The following ZNF804B variants were observed in gnomAD, a reference collection of about 807,000 sequenced individuals.
ZNF804B encodes zinc finger 804B.
A neutral mutation model predicts 101.4 loss-of-function variants in ZNF804B; 80 were observed. The ratio of observed to expected loss-of-function variants is 0.79; its 90% CI spans 0.66 to 0.95. The LOEUF is 0.95. Ranked by LOEUF, ZNF804B falls within the 40% of genes least tolerant of loss-of-function variation. The pLI, the probability that ZNF804B is intolerant of heterozygous loss-of-function variation, is 0.00. For synonymous variants in ZNF804B, 622 were observed against 558.8 expected (o/e 1.11, Z -1.59); for missense variants, 1,673 against 1,561.9 (o/e 1.07, Z -1.20).
chr7:88,815,683 C>T (rs779027308), intron 1 of ZNF804B, among the ~76,000 whole-genome samples: 2 of 152,020 alleles, frequency 1.3e-5, no homozygotes, highest in Admixed American at 6.6e-5. Flanking sequence ...TAGTTCCACC[C>T]ACTGGATAAC....
intron 1 of ZNF804B, among the ~76,000 whole-genome samples, chr7:88,944,232 T>G (rs1177659221): frequency 6.6e-6 from 1 of 151,786 alleles, no homozygotes; most frequent in Non-Finnish European, 1.5e-5. Flanking sequence ...TGTGAGAGTT[T>G]AGGTTATTCC....
At chr7:88,855,130 T>G (rs912059647) in intron 1 of ZNF804B, among the ~76,000 whole-genome samples, 4 of 152,030 alleles carry the variant, frequency 2.6e-5, no homozygotes, top group East Asian at 2.0e-4. Flanking sequence ...GTAATGGCAT[T>G]GCTGGGTCAA....
At chr7:88,975,271 T>G (rs935500963) in intron 1 of ZNF804B, among the ~76,000 whole-genome samples, 3 of 151,404 alleles carry the variant, frequency 2.0e-5, no homozygotes, top group South Asian at 4.1e-4. Context: ...ATATACTGAT[T>G]TCCTGTCTTT....
At chr7:88,979,604 CTTTCTT>C (rs964157454) in intron 1 of ZNF804B, among the ~76,000 whole-genome samples, 2 of 115,342 alleles carry the variant, frequency 1.7e-5, no homozygotes, top group African/African-American at 4.3e-5. Context: ...TTTTCTTTTT[CTTTCTT>C]TTTTTTTTTT....
At chr7:88,867,496 A>G (rs900906754) in intron 1 of ZNF804B, among the ~76,000 whole-genome samples, 12 of 152,208 alleles carry the variant, frequency 7.9e-5, no homozygotes, top group Non-Finnish European at 1.2e-4. Context: ...GTTCATCTGC[A>G]TGCTTCACTA....
At chr7:89,271,495 C>T (rs562748121) in intron 2 of ZNF804B, among the ~76,000 whole-genome samples, 6 of 152,160 alleles carry the variant, frequency 3.9e-5, no homozygotes, top group East Asian at 3.9e-4. Context: ...ATTTTTGCAT[C>T]GATGTTCATC....
chr7:89,323,362 G>GA (rs1790849289), intron 2 of ZNF804B, among the ~76,000 whole-genome samples: 1 of 152,186 alleles, frequency 6.6e-6, no homozygotes, highest in South Asian at 2.1e-4. Context: ...CATGAACATA[G>GA]ATGCAAAGTT....
intron 1 of ZNF804B, among the ~76,000 whole-genome samples, chr7:88,984,019 A>C (rs1032284335): frequency 6.6e-6 from 1 of 152,118 alleles, no homozygotes; most frequent in Non-Finnish European, 1.5e-5. Flanking sequence ...AGACATTATT[A>C]TCTGCATTTC....
At chr7:89,207,755 T>C (rs34728530) in intron 1 of ZNF804B, among the ~76,000 whole-genome samples, 34,372 of 152,144 alleles carry the variant, frequency 0.23, 4,274 homozygotes, top group Non-Finnish European at 0.27. Flanking sequence ...AATAAATCAA[T>C]CAATCAGTCA....
At chr7:89,259,515 C>T (rs1789680855) in intron 2 of ZNF804B, among the ~76,000 whole-genome samples, 1 of 152,172 alleles carries the variant, frequency 6.6e-6, no homozygotes, top group Non-Finnish European at 1.5e-5. Flanking sequence ...TCCTTCCAGA[C>T]TTTCATGATG....
intron 2 of ZNF804B, among the ~76,000 whole-genome samples, chr7:89,281,066 T>C (rs1392225334): frequency 6.6e-6 from 1 of 152,230 alleles, no homozygotes; most frequent in Non-Finnish European, 1.5e-5. Flanking sequence ...AGCATAATTG[T>C]ATTCTGAAAA....
intron 2 of ZNF804B, among the ~76,000 whole-genome samples, chr7:89,270,371 G>A (rs1261405403): frequency 1.3e-5 from 2 of 152,166 alleles, no homozygotes; most frequent in African/African-American, 4.8e-5. Flanking sequence ...AGAGCAGATG[G>A]TTGTAGATGG....
At chr7:89,253,599 C>T (rs1197625669) in intron 2 of ZNF804B, among the ~76,000 whole-genome samples, 6 of 152,042 alleles carry the variant, frequency 3.9e-5, no homozygotes, top group Non-Finnish European at 8.8e-5. Context: ...AAAATCCTCT[C>T]ATTGTGTAAA....
intron 1 of ZNF804B, among the ~76,000 whole-genome samples, chr7:88,876,929 A>G (rs1413042972): frequency 4.8e-5 from 7 of 146,086 alleles, no homozygotes; most frequent in Non-Finnish European, 1.0e-4. Context: ...AATAAAGACA[A>G]ACATCACAAT....
At chr7:89,287,300 A>G (rs1361536925) in intron 2 of ZNF804B, among the ~76,000 whole-genome samples, 1 of 152,158 alleles carries the variant, frequency 6.6e-6, no homozygotes, top group Middle Eastern at 3.2e-3. Flanking sequence ...GGCCAACTAT[A>G]TATATACATA....
chr7:89,044,285 C>T (rs1449158542), intron 1 of ZNF804B, among the ~76,000 whole-genome samples: 2 of 152,190 alleles, frequency 1.3e-5, no homozygotes, highest in Non-Finnish European at 2.9e-5. Flanking sequence ...TTGTAAGTTT[C>T]CTGAGGCCTT....
Position 89,313,395 on chromosome 7 carries a change from G to A in ZNF804B, c.250-13949G>A, listed in dbSNP as rs1331933891. On this transcript the variant is annotated intron_variant, in intron 2 of 3. Transcript: ENST00000333190. ...TTATTCTATTTAAAAGAAAAAATTA[G>A]ACATACTTCAGTGAATTCACTTCAC... Among the ~76,000 whole-genome samples, 3 of 152,156 alleles carry A rather than the reference G, an allele frequency of 2.0e-5. No homozygotes were observed. The East Asian group carries it at 5.8e-4, about 29-fold the overall frequency.
chr7:89,070,262 A>G (rs1486905626), intron 1 of ZNF804B, among the ~76,000 whole-genome samples: 1 of 152,196 alleles, frequency 6.6e-6, no homozygotes, highest in Non-Finnish European at 1.5e-5. Flanking sequence ...TGTTTTTGAG[A>G]GAACAGCAAA....
At chr7:89,015,464 C>G (rs1411169300) in intron 1 of ZNF804B, among the ~76,000 whole-genome samples, 3 of 151,916 alleles carry the variant, frequency 2.0e-5, no homozygotes, top group Non-Finnish European at 4.4e-5. Flanking sequence ...TTAGGTATAT[C>G]TCTTAAAGCT....
Sources: allele counts gnomAD v4.1 joint callset (sites outside exome capture counted in the v4.1 genomes callset), GRCh38; gene constraint gnomAD v4.1.1; transcripts MANE v1.5; gene names NCBI Gene and HGNC (gene_info 2026-07-23, HGNC 2026-07-21).